MAD1L1: variants seen among roughly 807,000 people sequenced by gnomAD.
MAD1L1 encodes the protein mitotic arrest deficient 1 like 1.
Under a neutral mutation model 96.9 loss-of-function variants are expected in MAD1L1, and 95 were observed. The observed-to-expected ratio is 0.98, with a 90% confidence interval of 0.83 to 1.16. The LOEUF (loss-of-function observed/expected upper bound fraction) is 1.16. Among genes scored for constraint, MAD1L1 ranks in the 50% most tolerant of loss-of-function variants. The pLI, the probability that MAD1L1 is intolerant of heterozygous loss-of-function variation, is 0.00. For synonymous variants in MAD1L1, 473 were observed against 396.6 expected (o/e 1.19, Z -2.29); for missense variants, 1,007 against 954.4 (o/e 1.06, Z -0.73).
intron 10 of MAD1L1, among the ~76,000 whole-genome samples, chr7:2,203,977 G>A (rs73041336): frequency 0.026 from 3,954 of 152,338 alleles, 91 homozygotes; most frequent in South Asian, 0.072. Context: ...GAGGTCACCA[G>A]GGAGGGCAGG....
intron 14 of MAD1L1, among the ~76,000 whole-genome samples, chr7:1,999,255 C>T (rs1353828167): frequency 6.6e-6 from 1 of 152,126 alleles, no homozygotes; most frequent in Non-Finnish European, 1.5e-5. Context: ...AAACAACAAC[C>T]CCACCCCCCA....
At chr7:1,939,168 C>T (rs1227232752) in intron 16 of MAD1L1, among the ~76,000 whole-genome samples, 4 of 133,276 alleles carry the variant, frequency 3.0e-5, no homozygotes, top group South Asian at 5.2e-4. Context: ...CACACACATA[C>T]GGGCCAGGGC....
At chr7:1,932,582 T>C (rs554499671) in intron 17 of MAD1L1, among the ~76,000 whole-genome samples, 2 of 152,370 alleles carry the variant, frequency 1.3e-5, no homozygotes, top group African/African-American at 4.8e-5. Context: ...AGATGACTGA[T>C]CCCGGATCCT....
In MAD1L1 at chr7:2,142,453, G is replaced by A. The variant is rs527396579; in HGVS notation, c.1073+6699C>T. Reference sequence around the variant, plus strand: ...TCTTGGGACCAGCCCCACATGGGACGCACAAGGGGCAGAGGGGGACAGGAG... The same window carrying A: ...TCTTGGGACCAGCCCCACATGGGACACACAAGGGGCAGAGGGGGACAGGAG... On this transcript the variant is annotated intron_variant, in intron 11 of 18. Transcript: ENST00000265854. The surrounding 1 kb of genome is among the most constrained non-coding windows in gnomAD (Gnocchi z 4.7). Among the ~76,000 whole-genome samples the A allele has an allele frequency of 2.6e-5, 4 of 152,312 alleles. No homozygotes were observed. Among genetic ancestry groups the A allele is most frequent in the Admixed American group, 6.5e-5 (1 of 15,310 alleles).
intron 10 of MAD1L1, among the ~76,000 whole-genome samples, chr7:2,192,910 G>A (rs184076744): frequency 1.3e-4 from 20 of 152,224 alleles, no homozygotes; most frequent in Admixed American, 9.8e-4. Context: ...AGTCCATTTC[G>A]TTTAGAAAAG....
intron 12 of MAD1L1, among the ~76,000 whole-genome samples, chr7:2,047,987 G>C (rs1014728300): frequency 3.3e-5 from 5 of 152,316 alleles, no homozygotes; most frequent in Admixed American, 6.5e-5. Flanking sequence ...TGTGCACACA[G>C]AACTCACACA....
intron 13 of MAD1L1, among the ~76,000 whole-genome samples, chr7:2,008,726 C>T (rs192970804): frequency 5.9e-4 from 89 of 151,662 alleles, no homozygotes; most frequent in African/African-American, 2.1e-3. Flanking sequence ...GGAAGGAACA[C>T]GGCTCCATCC....
At chr7:2,225,238 C>T (rs1793822753) in intron 4 of MAD1L1, among the ~76,000 whole-genome samples, 172 bp downstream of exon 4, 1 of 38,966 alleles carries the variant, frequency 2.6e-5, no homozygotes, top group African/African-American at 5.3e-5. Flanking sequence ...CGTGCACAGC[C>T]CCCTTGCTCC....
At chr7:2,009,880 C>A (rs116757068) in intron 13 of MAD1L1, among the ~76,000 whole-genome samples, 73 of 152,224 alleles carry the variant, frequency 4.8e-4, no homozygotes, top group African/African-American at 1.7e-3. Context: ...GTGGCACCGG[C>A]GTGTCACGGG....
At chr7:2,030,509 T>C (rs533176474) in intron 12 of MAD1L1, among the ~76,000 whole-genome samples, 15 of 152,346 alleles carry the variant, frequency 9.8e-5, no homozygotes, top group African/African-American at 3.4e-4. Flanking sequence ...AATTAGAGCC[T>C]GTTACACGCG....
chr7:2,197,334 CCT>C (rs1792044160), intron 10 of MAD1L1, among the ~76,000 whole-genome samples: 1 of 152,174 alleles, frequency 6.6e-6, no homozygotes, highest in Non-Finnish European at 1.5e-5. Context: ...GAAAACAGCC[CCT>C]GACTTATAGC....
At chr7:1,816,826 C>T (rs537203109) in intron 18 of MAD1L1, among the ~76,000 whole-genome samples, 4 of 152,114 alleles carry the variant, frequency 2.6e-5, no homozygotes, top group South Asian at 2.1e-4. Flanking sequence ...TGCTGTGCCA[C>T]GGTCCTGGGC....
At chr7:1,827,757 G>C (rs1408075222) in intron 18 of MAD1L1, among the ~76,000 whole-genome samples, 2 of 128,876 alleles carry the variant, frequency 1.6e-5, no homozygotes, top group Non-Finnish European at 3.5e-5. Context: ...CCCCTCCTGA[G>C]CCCGTCCCGG....
intron 12 of MAD1L1, among the ~76,000 whole-genome samples, chr7:2,049,550 C>G (rs1348933369): frequency 6.6e-6 from 1 of 152,348 alleles, no homozygotes; most frequent in East Asian, 1.9e-4. Flanking sequence ...GGAGGAAGGA[C>G]TCACCTAGTC....
intron 16 of MAD1L1, among the ~76,000 whole-genome samples, chr7:1,949,190 G>C (rs757585036): frequency 6.6e-6 from 1 of 152,188 alleles, no homozygotes; most frequent in African/African-American, 2.4e-5. Flanking sequence ...GTGTGCACAC[G>C]CACTAGCTTG....
chr7:2,043,720 G>A (rs904498808), intron 12 of MAD1L1, among the ~76,000 whole-genome samples: 9 of 152,218 alleles, frequency 5.9e-5, no homozygotes, highest in African/African-American at 1.9e-4. Flanking sequence ...CCTTTTTCTC[G>A]AGAGTGGGGG....
intron 18 of MAD1L1, among the ~76,000 whole-genome samples, chr7:1,887,717 GCATA>G (rs1330582829): frequency 1.0e-4 from 15 of 149,946 alleles, no homozygotes; most frequent in African/African-American, 3.7e-4. Context: ...GCATGTGTGT[GCATA>G]CATGCATGTA....
chr7:1,879,312 G>A (rs1049914373), intron 18 of MAD1L1, among the ~76,000 whole-genome samples: 4 of 152,000 alleles, frequency 2.6e-5, no homozygotes, highest in South Asian at 2.1e-4. Context: ...AAACTTAGCC[G>A]GGTGTGGTGG....
chr7:2,142,452 C>T lies in MAD1L1; in HGVS notation c.1073+6700G>A, dbSNP rs1271561593. On this transcript the variant is annotated intron_variant, in intron 11 of 18. Coordinates refer to ENST00000265854, the MANE Select transcript of MAD1L1 (RefSeq NM_001013836.2). This position sits in a 1 kb window ranked among gnomAD's most constrained non-coding sequence, Gnocchi z 4.7. ...CTCTTGGGACCAGCCCCACATGGGA[C>T]GCACAAGGGGCAGAGGGGGACAGGA... Among the ~76,000 whole-genome samples the T allele has an allele frequency of 1.3e-5, 2 of 152,230 alleles. No individual in the cohort carries two copies. Among genetic ancestry groups the T allele is most frequent in the African/African-American group, 2.4e-5 (1 of 41,454 alleles).
Sources: allele counts gnomAD v4.1 joint callset (sites outside exome capture counted in the v4.1 genomes callset), GRCh38; gene constraint gnomAD v4.1.1; non-coding constraint Gnocchi (gnomAD v3.1); transcripts MANE v1.5; gene names NCBI Gene and HGNC (gene_info 2026-07-23, HGNC 2026-07-21).